The following PDLIM5 variants were observed in gnomAD, a reference collection of about 807,000 sequenced individuals.
PDLIM5 encodes the protein PDZ and LIM domain protein 5.
A neutral mutation model predicts 64.2 loss-of-function variants in PDLIM5; 34 were observed. The ratio of observed to expected loss-of-function variants is 0.53; its 90% CI spans 0.40 to 0.71. PDLIM5 has a LOEUF of 0.71. Ranked by LOEUF, PDLIM5 falls within the 30% of genes least tolerant of loss-of-function variation. The pLI, the probability that PDLIM5 is intolerant of heterozygous loss-of-function variation, is 0.00. For missense variants in PDLIM5, 683 were observed against 733.6 expected (o/e 0.93, Z 0.80); for synonymous variants, 253 against 269.1 (o/e 0.94, Z 0.59).
chr4:94,635,437 T>C (rs1740480003), intron 8 of PDLIM5, among the ~76,000 whole-genome samples: 1 of 152,146 alleles, frequency 6.6e-6, no homozygotes, highest in South Asian at 2.1e-4. Flanking sequence ...AACGCTCCTG[T>C]TTAATGTTAT....
intron 3 of PDLIM5, among the ~76,000 whole-genome samples, chr4:94,568,078 G>A (rs1385745625): frequency 2.0e-5 from 3 of 152,200 alleles, no homozygotes; most frequent in Non-Finnish European, 2.9e-5. Context: ...GAATGATTAC[G>A]AGGTTTAGAG....
At chr4:94,589,454 G>C (rs775404560) in intron 7 of PDLIM5, among the ~76,000 whole-genome samples, 19 of 152,180 alleles carry the variant, frequency 1.2e-4, no homozygotes, top group Non-Finnish European at 2.4e-4. Flanking sequence ...TATTCAGCCA[G>C]GATCATAAAG....
chr4:94,577,253 C>T, intron 5 of PDLIM5: 1 of 456,938 alleles, frequency 2.2e-6, no homozygotes, highest in South Asian at 1.5e-5. Context: ...GTGGATAGGT[C>T]CATTCTCTGA....
chr4:94,524,015 A>G, intron 3 of PDLIM5, 140 bp downstream of exon 3: 1 of 585,254 alleles, frequency 1.7e-6, no homozygotes, highest in Non-Finnish European at 3.0e-6. Flanking sequence ...TGGCTCTTAA[A>G]TTGGATAATT....
chr4:94,562,283 C>A (rs571946553), intron 3 of PDLIM5, among the ~76,000 whole-genome samples: 1 of 152,192 alleles, frequency 6.6e-6, no homozygotes, highest in East Asian at 1.9e-4. Context: ...GACCAGCATC[C>A]TTTCCCCCAA....
rs768721210 is a variant in PDLIM5, at chr4:94,564,656, C to CTTTTTT, written c.249-8681_249-8676dup. On this transcript the variant is annotated intron_variant, in intron 3 of 12. Transcript: ENST00000317968. ...CACCTTCAAAGGAGGAATTTTGTCT[C>CTTTTTT]TTTTTTTTTTTTTTTTTTTGACAGA... Among the ~76,000 whole-genome samples the CTTTTTT allele has an allele frequency of 9.8e-3, 1,028 of 104,404 alleles. 54 individuals carry two copies. The highest frequency in any genetic ancestry group is 0.028 in the African/African-American group (636 of 22,976). 68.5% of individuals were successfully genotyped at this position (104,404 alleles called of 152,430 possible).
rs1741721161 is a variant in PDLIM5 at position 94,650,048 on chromosome 4, T to A, written c.1284-4412T>A. 2.6e-5 allele frequency among the ~76,000 whole-genome samples: 4 copies of A among 152,334 alleles called. No homozygotes were observed. In the South Asian group the frequency reaches 8.3e-4, roughly 32 times the overall value. On this transcript the variant is annotated intron_variant, in intron 9 of 12. Transcript: ENST00000317968. ...CAGCGAAAGAATTACTTTTTAATGT[T>A]CCAAATTGGAAAGTTTGCATATAAT...
chr4:94,485,165 T>C (rs1464222628), intron 2 of PDLIM5, among the ~76,000 whole-genome samples: 1 of 152,202 alleles, frequency 6.6e-6, no homozygotes, highest in Non-Finnish European at 1.5e-5. Context: ...GTAATGGATA[T>C]CTGTTACTTC....
intron 11 of PDLIM5, 77 bp downstream of exon 11, chr4:94,657,624 A>G: frequency 2.9e-6 from 3 of 1,038,820 alleles, no homozygotes; most frequent in Middle Eastern, 2.1e-4. Flanking sequence ...TATAAAGCTC[A>G]AGAAAATATT....
At chr4:94,525,883 A>C (rs541240961) in intron 3 of PDLIM5, among the ~76,000 whole-genome samples, 2 of 152,302 alleles carry the variant, frequency 1.3e-5, no homozygotes, top group Admixed American at 6.5e-5. Context: ...GTTATAAAAA[A>C]ATTTGTTTCA....
At chr4:94,502,107 C>T (rs1727982223) in intron 2 of PDLIM5, among the ~76,000 whole-genome samples, 1 of 151,546 alleles carries the variant, frequency 6.6e-6, no homozygotes, top group Admixed American at 6.6e-5. Flanking sequence ...TTCTCTCTTC[C>T]TTTTTGGTCT....
intron 2 of PDLIM5, among the ~76,000 whole-genome samples, chr4:94,504,419 T>A (rs1323785057): frequency 6.6e-6 from 1 of 152,042 alleles, no homozygotes; most frequent in Non-Finnish European, 1.5e-5. Flanking sequence ...CCCGAGTAGC[T>A]GGGATTACAG....
At position 94,507,370 on chromosome 4, in the gene PDLIM5, T is replaced by A. The variant is rs1393574641; in HGVS notation, c.97-16354T>A. Among the ~76,000 whole-genome samples the A allele has an allele frequency of 2.0e-5, 3 of 152,168 alleles. No homozygotes were observed. In the East Asian group the frequency reaches 5.8e-4, roughly 29 times the overall value. Reference sequence around the variant, plus strand: ...TGGTAGCCCCAAAAGTCTTAACTTGTTCCAGCATCAACTTGAAAATCTGAA... The same window carrying A: ...TGGTAGCCCCAAAAGTCTTAACTTGATCCAGCATCAACTTGAAAATCTGAA... On this transcript the variant is annotated intron_variant, in intron 2 of 12. Coordinates refer to ENST00000317968, the MANE Select transcript of PDLIM5 (RefSeq NM_006457.5).
chr4:94,540,024 T>C (rs1434278596), intron 3 of PDLIM5, among the ~76,000 whole-genome samples: 3 of 151,954 alleles, frequency 2.0e-5, no homozygotes, highest in African/African-American at 7.3e-5. Flanking sequence ...CTACTAATAA[T>C]AATACTTATA....
intron 3 of PDLIM5, among the ~76,000 whole-genome samples, chr4:94,546,474 G>C (rs544740448): frequency 3.9e-4 from 59 of 152,066 alleles, no homozygotes; most frequent in Non-Finnish European, 6.6e-4. Context: ...TTCTTAAATT[G>C]TTATCAAACA....
At chr4:94,580,717 G>GAT (rs946397757) in intron 5 of PDLIM5, among the ~76,000 whole-genome samples, 6 of 152,000 alleles carry the variant, frequency 3.9e-5, no homozygotes, top group Admixed American at 3.9e-4. Flanking sequence ...CATGCCAAGA[G>GAT]ATTACATACC....
At chr4:94,575,508 C>G (rs1735166958) in intron 4 of PDLIM5, 108 bp from the exon 5 acceptor site, 2 of 757,882 alleles carry the variant, frequency 2.6e-6, no homozygotes, top group Non-Finnish European at 4.4e-6. Context: ...GAGCTGCTAA[C>G]CTGATTGTGT....
intron 9 of PDLIM5, among the ~76,000 whole-genome samples, chr4:94,653,780 C>T (rs998773832): frequency 6.6e-6 from 1 of 151,946 alleles, no homozygotes; most frequent in African/African-American, 2.4e-5. Flanking sequence ...GTTCTTACCA[C>T]AATAAAATTA....
chr4:94,455,585 C>T (rs1276305490), intron 2 of PDLIM5: 12 of 630,732 alleles, frequency 1.9e-5, no homozygotes, highest in South Asian at 4.0e-5. Flanking sequence ...AACTTCTTTT[C>T]GTTTTCCCCC....
Sources: gnomAD v4.1 joint callset for allele counts (sites outside exome capture counted in the v4.1 genomes callset) on GRCh38, gnomAD v4.1.1 for gene constraint, MANE v1.5 for transcripts, NCBI Gene and HGNC (gene_info 2026-07-23, HGNC 2026-07-21) for gene names.